UBR4: variants seen among roughly 807,000 people sequenced by gnomAD.
The protein encoded by UBR4 is ubiquitin protein ligase E3 component n-recognin 4.
UBR4 carries 124 observed loss-of-function variants against 575.6 expected under a neutral mutation model. That is an observed-to-expected ratio of 0.22 (90% CI 0.19 to 0.25). The LOEUF is 0.25. Among genes scored for constraint, UBR4 ranks in the 10% least tolerant of loss-of-function variants. The pLI is 1.00. For missense variants in UBR4, 4,818 were observed against 6,478.8 expected (o/e 0.74, Z 8.80); for synonymous variants, 2,455 against 2,473.7 (o/e 0.99, Z 0.22).
intron 71 of UBR4, 150 bp downstream of exon 71, chr1:19,118,722 C>T: frequency 1.4e-6 from 1 of 710,936 alleles, no homozygotes; most frequent in Non-Finnish European, 2.4e-6. Context: ...AAGACCCTGG[C>T]CTACATGGAG....
chr1:19,095,435 A>G, intron 93 of UBR4, 110 bp downstream of exon 93: 1 of 1,044,454 alleles, frequency 9.6e-7, no homozygotes, highest in South Asian at 1.4e-5. Context: ...AGAGAGATGA[A>G]GGGCTTGAAG....
chr1:19,152,258 A>G lies in UBR4; in HGVS notation c.6996+55T>C. 3.7e-6 allele frequency: 6 copies of G among 1,601,894 alleles called. No homozygotes were observed. The South Asian group carries it at 6.6e-5, about 18-fold the overall frequency. ...CTAAAAGGAGATGTGTTCTCAAACC[A>G]TATTGTTTGAGTCCTTCTACCCAGG... On this transcript the variant is annotated intron_variant, in intron 47 of 105. Transcript: ENST00000375254. The surrounding 1 kb of genome is among the most constrained non-coding windows in gnomAD (Gnocchi z 4.4).
At chr1:19,127,558 G>A (rs2081961020) in intron 63 of UBR4, 65 bp downstream of exon 63, 1 of 1,247,136 alleles carries the variant, frequency 8.0e-7, no homozygotes, top group Non-Finnish European at 1.2e-6. Flanking sequence ...CTCTGTGCTG[G>A]CCCTAGCACT....
At position 19,186,649 on chromosome 1, in the gene UBR4, G is replaced by A. The variant is rs756786456; in HGVS notation, c.1641C>T (p.Val547=). The change falls in exon 14 of 106, where the codon GTC becomes GTT. Residue 547 remains valine, a synonymous_variant. Coordinates refer to ENST00000375254, the MANE Select transcript of UBR4 (RefSeq NM_020765.3). ...TGGAGCCCTTCCTCTGCCGCTGCAG[G>A]ACACATGCCTAGGAAAATGACAATT... is the stretch of plus-strand genomic sequence containing the variant. ...LLSTSYRKAC[V]LQRQRKGSMS... 1 of 1,613,970 alleles carries A rather than the reference G, an allele frequency of 6.2e-7. No homozygotes were observed. Among genetic ancestry groups the A allele is most frequent in the South Asian group, 1.1e-5 (1 of 91,076 alleles).
intron 105 of UBR4, 86 bp from the exon 106 acceptor site, chr1:19,074,982 GA>G: frequency 7.0e-7 from 1 of 1,428,282 alleles, no homozygotes; most frequent in Non-Finnish European, 9.8e-7. Flanking sequence ...ATCTAGCAGA[GA>G]ACACACTGCG....
At chr1:19,200,709 A>G (rs947240775) in intron 2 of UBR4, among the ~76,000 whole-genome samples, 9 of 152,204 alleles carry the variant, frequency 5.9e-5, no homozygotes, top group Admixed American at 1.3e-4. Flanking sequence ...CCAAGCTAAA[A>G]CTGATTCTTC....
chr1:19,090,877 C>T (rs1186151107), intron 97 of UBR4, among the ~76,000 whole-genome samples: 1 of 152,070 alleles, frequency 6.6e-6, no homozygotes, highest in African/African-American at 2.4e-5. Context: ...AGCGGATCAC[C>T]TGAGGTCAGG....
At chr1:19,128,905 G>A in intron 61 of UBR4, 73 bp downstream of exon 61, 3 of 1,395,468 alleles carry the variant, frequency 2.1e-6, no homozygotes, top group South Asian at 1.2e-5. Context: ...AGGTCCTCTG[G>A]AAGAGAGATG....
rs557927209 is a variant in UBR4, at chr1:19,191,785, A to C, written c.1394+403T>G. ...CTCTTCTTTCAGAGTTCATCAAAACAACAGCAAATATTACAGGAAGCAAAC... is the reference window on the plus strand; with the variant it reads ...CTCTTCTTTCAGAGTTCATCAAAACCACAGCAAATATTACAGGAAGCAAAC... On this transcript the variant is annotated intron_variant, in intron 11 of 105. Coordinates refer to ENST00000375254, the MANE Select transcript of UBR4 (RefSeq NM_020765.3). Among the ~76,000 whole-genome samples, 66 of 152,340 alleles carry C rather than the reference A, an allele frequency of 4.3e-4. No homozygotes were observed. The South Asian group carries it at 4.8e-3, about 11-fold the overall frequency.
intron 17 of UBR4, among the ~76,000 whole-genome samples, chr1:19,181,359 C>T (rs1178095754): frequency 1.3e-5 from 2 of 152,086 alleles, no homozygotes; most frequent in Admixed American, 6.6e-5. Context: ...AACATCCCCA[C>T]CTCTAAAAAA....
intron 52 of UBR4, among the ~76,000 whole-genome samples, chr1:19,146,485 G>A (rs757340722): frequency 1.3e-5 from 2 of 152,306 alleles, no homozygotes; most frequent in East Asian, 3.9e-4. Flanking sequence ...GCATGAAAGC[G>A]AAAGATATGC....
At chr1:19,095,146 G>A (rs977323787) in intron 93 of UBR4, 121 bp from the exon 94 acceptor site, 80 of 1,435,312 alleles carry the variant, frequency 5.6e-5, no homozygotes, top group African/African-American at 1.3e-4. Context: ...GTGTATGACC[G>A]TGTGTATGTA....
At chr1:19,166,009 G>C (rs1170155302) in intron 29 of UBR4, among the ~76,000 whole-genome samples, 1 of 152,178 alleles carries the variant, frequency 6.6e-6, no homozygotes, top group East Asian at 1.9e-4. Flanking sequence ...GGCATCTAAA[G>C]CTCAGTCCTA....
At chr1:19,206,834 T>C (rs1385152595) in intron 1 of UBR4, among the ~76,000 whole-genome samples, 1 of 152,204 alleles carries the variant, frequency 6.6e-6, no homozygotes, top group Non-Finnish European at 1.5e-5. Flanking sequence ...TCAGTTTGGT[T>C]GCAAAGTCAA....
chr1:19,122,123 G>C, intron 66 of UBR4, 111 bp from the exon 67 acceptor site: 1 of 1,031,150 alleles, frequency 9.7e-7, no homozygotes, highest in Non-Finnish European at 1.5e-6. Context: ...ACCTGAACAT[G>C]ATCTTCTGAG....
Position 19,139,018 on chromosome 1 carries a change from CAG to C in UBR4, c.8731+63_8731+64del, listed in dbSNP as rs1257324942. On this transcript the variant is annotated intron_variant, in intron 59 of 105. Transcript: ENST00000375254. The surrounding 1 kb of genome is among the most constrained non-coding windows in gnomAD (Gnocchi z 4.2). ...GCAAAAACCAACCCCAAGACCCAAG[CAG>C]AGATTCCTGTTTTGTCCCCACCCTC... 1 of 1,512,028 alleles carries C rather than the reference CAG, an allele frequency of 6.6e-7. No homozygotes were observed. The highest frequency in any genetic ancestry group is 8.9e-7 in the Non-Finnish European group (1 of 1,123,356). The allele number at this position is 1,512,028 out of a possible 1,614,324, so 93.7% of individuals were successfully genotyped here. A position where few individuals can be genotyped will look rare whatever the true frequency, so the allele number is the denominator to read the frequency against.
In UBR4 at chr1:19,076,921, G is replaced by C; in HGVS notation, c.15325-19C>G. 6.5e-7 allele frequency: 1 copy of C among 1,530,078 alleles called. No homozygotes were observed. Among genetic ancestry groups the C allele is most frequent in the East Asian group, 2.3e-5 (1 of 43,500 alleles). The allele number at this position is 1,530,078 out of a possible 1,614,324, so 94.8% of individuals were successfully genotyped here. A position where few individuals can be genotyped will look rare whatever the true frequency, so the allele number is the denominator to read the frequency against. Reference sequence around the variant, plus strand: ...GCACCTTCTACGAGAATCAACAGGAGACAAGAGAGGTGGGTGACTTACTGC... The same window carrying C: ...GCACCTTCTACGAGAATCAACAGGACACAAGAGAGGTGGGTGACTTACTGC... On this transcript the variant is annotated intron_variant, in intron 104 of 105. Transcript: ENST00000375254.
chr1:19,168,839 G>T (rs913444027), intron 27 of UBR4, among the ~76,000 whole-genome samples: 10 of 152,172 alleles, frequency 6.6e-5, no homozygotes, highest in Admixed American at 5.9e-4. Flanking sequence ...TTAGCTGGGC[G>T]TGGTGGTGGG....
intron 66 of UBR4, 61 bp downstream of exon 66, chr1:19,122,772 C>G: frequency 6.3e-7 from 1 of 1,578,134 alleles, no homozygotes; most frequent in Non-Finnish European, 8.7e-7. Flanking sequence ...GCCCTATTAC[C>G]TACTTGGCTA....
Sources: allele counts gnomAD v4.1 joint callset (sites outside exome capture counted in the v4.1 genomes callset), GRCh38; gene constraint gnomAD v4.1.1; non-coding constraint Gnocchi (gnomAD v3.1); transcripts MANE v1.5; gene names NCBI Gene and HGNC (gene_info 2026-07-23, HGNC 2026-07-21).